The following COX4I2 variants were observed in gnomAD, a reference collection of about 807,000 sequenced individuals.
COX4I2 encodes the protein cytochrome c oxidase subunit 4I2, also known as cytochrome c oxidase subunit 4 isoform 2, mitochondrial.
In COX4I2, 15 loss-of-function variants were observed where a neutral mutation model predicts 20.8. The observed-to-expected ratio is 0.72, with a 90% CI of 0.48 to 1.11. The LOEUF is 1.11. Ranked by LOEUF, COX4I2 falls within the 50% of genes most tolerant of loss-of-function variation. The pLI, the probability that COX4I2 is intolerant of heterozygous loss-of-function variation, is 0.00. For missense variants in COX4I2, 224 were observed against 223.0 expected, an observed-to-expected ratio of 1.00 and a Z score of -0.03; for synonymous variants, 80 against 78.1, an observed-to-expected ratio of 1.02 and a Z score of -0.13.
In COX4I2 at chr20:31,644,748, A is replaced by AC; in HGVS notation, c.380-16dup. On this transcript the variant is annotated intron_variant, in intron 4 of 4. Coordinates refer to ENST00000376075, the MANE Select transcript of COX4I2 (RefSeq NM_032609.3). The stretch of plus-strand genomic sequence containing the variant: ...AGGAAGACTGGCAGGATCCTGATCC[A>AC]CCCCATGTACTCCCTGCAGTATTTC... The AC allele has an allele frequency of 6.2e-7, 1 of 1,613,636 alleles. No homozygotes were observed. Among genetic ancestry groups the AC allele is most frequent in the East Asian group, 2.2e-5 (1 of 44,870 alleles).
intron 2 of COX4I2, 199 bp downstream of exon 2, chr20:31,639,298 A>C (rs1261468850): frequency 1.0e-6 from 1 of 985,086 alleles, no homozygotes; most frequent in Non-Finnish European, 1.2e-6. Context: ...GACAGTGGTC[A>C]TCTCCATTCC....
chr20:31,639,011 C>T lies in COX4I2; in HGVS notation c.1-7C>T, dbSNP rs755147205. ...GGCAGAACTCATCTATACCTTCACGCCCCCAGATGCTCCCCAGAGCTGCCT... is the reference window on the plus strand; with the variant it reads ...GGCAGAACTCATCTATACCTTCACGTCCCCAGATGCTCCCCAGAGCTGCCT... On this transcript the variant is annotated splice_region_variant and splice_polypyrimidine_tract_variant and intron_variant, in intron 1 of 4. Transcript: ENST00000376075. 2 of 1,607,834 alleles carry T rather than the reference C, an allele frequency of 1.2e-6. No homozygotes were observed. Among genetic ancestry groups the T allele is most frequent in the Non-Finnish European group, 1.7e-6 (2 of 1,177,396 alleles).
rs761552678 is a variant in COX4I2 at position 31,643,464 on chromosome 20, AG to A, written c.309del (p.Thr104GlnfsTer2). The A allele has an allele frequency of 2.6e-5, 42 of 1,614,206 alleles. No individual in the cohort carries two copies. Among genetic ancestry groups the A allele is most frequent in the Non-Finnish European group, 8.5e-7 (1 of 1,180,036 alleles). On this transcript the variant is annotated frameshift_variant, in exon 4 of 5. Transcript: ENST00000376075. LOFTEE classifies it high-confidence loss of function. ...AEMNRRSNEW[K>X]TVMGCVFFFI... is the part of the protein sequence containing the mutation. The stretch of plus-strand genomic sequence containing the variant: ...ATGAACCGTCGCTCCAATGAGTGGA[AG>A]ACAGTGATGGGTTGTGTCTTCTTCT...
intron 1 of COX4I2, among the ~76,000 whole-genome samples, chr20:31,638,408 A>G (rs547347739): frequency 6.0e-5 from 9 of 150,844 alleles, no homozygotes; most frequent in African/African-American, 2.2e-4. Context: ...CCCCACCACC[A>G]TGGATGCCAA....
At chr20:31,642,779 G>A (rs2060475766) in intron 3 of COX4I2, among the ~76,000 whole-genome samples, 2 of 152,040 alleles carry the variant, frequency 1.3e-5, no homozygotes, top group Non-Finnish European at 2.9e-5. Context: ...ACAGGGTCTC[G>A]CTTTATTGCC....
intron 1 of COX4I2, among the ~76,000 whole-genome samples, 174 bp downstream of exon 1, chr20:31,638,136 C>G (rs1568831170): frequency 6.6e-6 from 1 of 152,076 alleles, no homozygotes. Flanking sequence ...TGTGTGCCAT[C>G]TCTTTCCCCA....
intron 3 of COX4I2, among the ~76,000 whole-genome samples, chr20:31,640,954 T>TACAC (rs35214276): frequency 0.098 from 13,137 of 133,456 alleles, 806 homozygotes; most frequent in East Asian, 0.22. Flanking sequence ...TCTCTCTTTC[T>TACAC]ACACACACAC....
At position 31,643,466 on chromosome 20, in the gene COX4I2, AC is replaced by A. The variant is rs1377555907; in HGVS notation, c.311del (p.Thr104LysfsTer2). On this transcript the variant is annotated frameshift_variant, in exon 4 of 5. Coordinates refer to ENST00000376075, the MANE Select transcript of COX4I2 (RefSeq NM_032609.3). LOFTEE classifies it high-confidence loss of function. ...GAACCGTCGCTCCAATGAGTGGAAG[AC>A]AGTGATGGGTTGTGTCTTCTTCTTC... Reference protein sequence around the residue: ...EMNRRSNEWKTVMGCVFFFIG... With the variant: ...EMNRRSNEWKXVMGCVFFFIG... 1.9e-6 allele frequency: 3 copies of A among 1,614,056 alleles called. No individual in the cohort carries two copies. The African/African-American group carries it at 4.0e-5, about 22-fold the overall frequency.
chr20:31,643,338 G>C, intron 3 of COX4I2, 66 bp from the exon 4 acceptor site: 3 of 1,599,008 alleles, frequency 1.9e-6, no homozygotes, highest in Non-Finnish European at 2.6e-6. Context: ...CTGCAGGGAG[G>C]GGGAAGCCGG....
At chr20:31,644,093 G>A (rs984472742) in intron 4 of COX4I2, among the ~76,000 whole-genome samples, 1 of 152,218 alleles carries the variant, frequency 6.6e-6, no homozygotes, top group Non-Finnish European at 1.5e-5. Flanking sequence ...TTACAGGCAT[G>A]AGCCACTGTG....
At position 31,640,026 on chromosome 20, in the gene COX4I2, CT is replaced by C. The variant is rs775455749; in HGVS notation, c.177del (p.Glu60ArgfsTer5). On this transcript the variant is annotated frameshift_variant, in exon 3 of 5. Transcript: ENST00000376075. LOFTEE classifies it high-confidence loss of function. ...GAGCCCTTCTGCACAGAACTCAACG[CT>C]GAGGAGCAGGCCCTGAAGGAGAAGG... ...PEEPFCTELN[A>X]EEQALKEKEK... 1.9e-6 allele frequency: 3 copies of C among 1,613,984 alleles called. No homozygotes were observed. Among genetic ancestry groups the C allele is most frequent in the Middle Eastern group, 3.3e-4 (2 of 6,060 alleles).
intron 2 of COX4I2, 76 bp downstream of exon 2, chr20:31,639,175 T>C: frequency 6.5e-7 from 1 of 1,548,146 alleles, no homozygotes; most frequent in Non-Finnish European, 8.7e-7. Context: ...CTGCCCCCTT[T>C]GCCCTTCCAT....
intron 3 of COX4I2, among the ~76,000 whole-genome samples, chr20:31,642,067 G>T (rs550944876): frequency 5.6e-4 from 85 of 151,616 alleles, no homozygotes; most frequent in Non-Finnish European, 1.1e-3. Flanking sequence ...TGCTCAGGCT[G>T]GTCTTGAACT....
chr20:31,644,517 C>T (rs2122340041), intron 4 of COX4I2, among the ~76,000 whole-genome samples: 1 of 152,246 alleles, frequency 6.6e-6, no homozygotes, highest in African/African-American at 2.4e-5. Context: ...TGGCCCAGCT[C>T]CCACAGTCCT....
At chr20:31,643,297 C>A in intron 3 of COX4I2, 107 bp from the exon 4 acceptor site, 2 of 1,308,376 alleles carry the variant, frequency 1.5e-6, no homozygotes, top group South Asian at 2.4e-5. Context: ...AGTACGTGCT[C>A]AGTAAGAATT....
intron 2 of COX4I2, 119 bp downstream of exon 2, chr20:31,639,218 A>G: frequency 3.9e-6 from 6 of 1,534,538 alleles, no homozygotes; most frequent in Non-Finnish European, 3.5e-6. Flanking sequence ...CACACTTCCC[A>G]TGTTCCCATG....
Position 31,644,803 on chromosome 20 carries a change from C to T in COX4I2, c.415C>T (p.Arg139Trp), listed in dbSNP as rs200392726. ...AAAGCCGATCACCTTGACGGACGAG[C>T]GGAAAGCCCAGCAGCTGCAGCGCAT... ...PPKPITLTDE[R>W]KAQQLQRMLD... Residue 139 changes from arginine to tryptophan, a missense_variant, in exon 5 of 5, where the codon CGG becomes TGG. Coordinates refer to ENST00000376075, the MANE Select transcript of COX4I2 (RefSeq NM_032609.3). 1.6e-5 allele frequency: 26 copies of T among 1,614,062 alleles called. No homozygotes were observed. Among genetic ancestry groups the T allele is most frequent in the South Asian group, 1.5e-4 (14 of 91,076 alleles).
At chr20:31,638,852 A>T (rs2060450875) in intron 1 of COX4I2, among the ~76,000 whole-genome samples, 166 bp from the exon 2 acceptor site, 1 of 152,164 alleles carries the variant, frequency 6.6e-6, no homozygotes, top group Non-Finnish European at 1.5e-5. Flanking sequence ...CCCGCTGGGG[A>T]TATCAGACAA....
In COX4I2 at chr20:31,639,112, C is replaced by T; in HGVS notation, c.82+13C>T. On this transcript the variant is annotated intron_variant, in intron 2 of 4. Coordinates refer to ENST00000376075, the MANE Select transcript of COX4I2 (RefSeq NM_032609.3). Reference sequence around the variant, plus strand: ...TCAGAAGGCACCAGTGAGACCTGGACTCCTTCCTCCCTGCCTAACTCCAGA... The same window carrying T: ...TCAGAAGGCACCAGTGAGACCTGGATTCCTTCCTCCCTGCCTAACTCCAGA... 1 of 1,601,294 alleles carries T rather than the reference C, an allele frequency of 6.2e-7. No individual in the cohort carries two copies.
Sources: gnomAD v4.1 joint callset for allele counts (sites outside exome capture counted in the v4.1 genomes callset) on GRCh38, gnomAD v4.1.1 for gene constraint, MANE v1.5 for transcripts, NCBI Gene and HGNC (gene_info 2026-07-23, HGNC 2026-07-21) for gene names.